CCDC91: variants seen among roughly 807,000 people sequenced by gnomAD.
The protein encoded by CCDC91 is coiled-coil domain-containing protein 91.
Under a neutral mutation model 63.2 loss-of-function variants are expected in CCDC91, and 48 were observed. That is an observed-to-expected ratio of 0.76 (90% CI 0.60 to 0.97). The LOEUF is 0.97. Ranked by LOEUF, CCDC91 falls within the 50% of genes least tolerant of loss-of-function variation. The pLI, the probability that CCDC91 is intolerant of heterozygous loss-of-function variation, is 0.00. For missense variants in CCDC91, 500 were observed against 494.6 expected (o/e 1.01, Z -0.10); for synonymous variants, 167 against 165.8 (o/e 1.01, Z -0.06).
chr12:28,373,115 A>G (rs1944724650), intron 7 of CCDC91, among the ~76,000 whole-genome samples: 2 of 152,218 alleles, frequency 1.3e-5, no homozygotes, highest in South Asian at 4.1e-4. Flanking sequence ...TTTAAAAAAT[A>G]AGATTGTAGG....
chr12:28,281,871 C>G (rs1346754026), intron 3 of CCDC91, among the ~76,000 whole-genome samples: 1 of 152,068 alleles, frequency 6.6e-6, no homozygotes, highest in African/African-American at 2.4e-5. Flanking sequence ...TGACTTATCC[C>G]ATAGTACCTT....
chr12:28,513,843 T>G (rs530487786), intron 12 of CCDC91, among the ~76,000 whole-genome samples: 1 of 152,066 alleles, frequency 6.6e-6, no homozygotes, highest in East Asian at 1.9e-4. Flanking sequence ...GTACCACATT[T>G]TCTTTATCCA....
chr12:28,396,632 A>G (rs1276711308), intron 8 of CCDC91, among the ~76,000 whole-genome samples: 1 of 125,750 alleles, frequency 8.0e-6, no homozygotes, highest in African/African-American at 2.9e-5. Context: ...ATGCTCATTG[A>G]TAAAGGAGAT....
At chr12:28,306,349 C>T (rs532733600) in intron 4 of CCDC91, among the ~76,000 whole-genome samples, 82 of 152,110 alleles carry the variant, frequency 5.4e-4, no homozygotes, top group Admixed American at 2.7e-3. Context: ...CAATAGAGGT[C>T]ATTGATAAAT....
intron 1 of CCDC91, among the ~76,000 whole-genome samples, chr12:28,238,597 C>T: frequency 6.6e-6 from 1 of 152,078 alleles, no homozygotes; most frequent in East Asian, 1.9e-4. Context: ...AAACACACTT[C>T]CATATATAAG....
At chr12:28,275,129 T>C (rs532106862) in intron 3 of CCDC91, among the ~76,000 whole-genome samples, 29 of 152,030 alleles carry the variant, frequency 1.9e-4, no homozygotes, top group Admixed American at 4.6e-4. Context: ...CAGAGCAGAA[T>C]TGAAGGCGAT....
At chr12:28,259,736 A>G (rs1303961702) in intron 3 of CCDC91, among the ~76,000 whole-genome samples, 4 of 151,956 alleles carry the variant, frequency 2.6e-5, no homozygotes, top group Admixed American at 6.6e-5. Context: ...GAGGTGCCCA[A>G]TAACTTTTTT....
At chr12:28,538,084 GT>G (rs1013791768) in intron 12 of CCDC91, among the ~76,000 whole-genome samples, 4 of 149,038 alleles carry the variant, frequency 2.7e-5, no homozygotes, top group East Asian at 2.0e-4. Context: ...CTTTTTAGGG[GT>G]TTTTTTTAAT....
intron 8 of CCDC91, among the ~76,000 whole-genome samples, chr12:28,427,153 C>A (rs1458516224): frequency 1.3e-5 from 2 of 152,120 alleles, no homozygotes; most frequent in Non-Finnish European, 2.9e-5. Flanking sequence ...CATTCCATAA[C>A]ATTATGATTA....
intron 6 of CCDC91, among the ~76,000 whole-genome samples, chr12:28,345,646 C>G (rs1006570152): frequency 4.7e-4 from 71 of 152,016 alleles, no homozygotes; most frequent in African/African-American, 1.7e-3. Context: ...ATGAAAAACA[C>G]TATTCACAGG....
chr12:28,501,045 A>G (rs1937771415), intron 12 of CCDC91, among the ~76,000 whole-genome samples: 1 of 151,800 alleles, frequency 6.6e-6, no homozygotes, highest in African/African-American at 2.4e-5. Flanking sequence ...AGAATACACT[A>G]TTATTTAACT....
intron 12 of CCDC91, among the ~76,000 whole-genome samples, chr12:28,536,605 A>G (rs1942196958): frequency 6.6e-6 from 1 of 152,180 alleles, no homozygotes. Flanking sequence ...CTTCTGTACA[A>G]TGGAGATAAA....
Position 28,450,396 on chromosome 12 carries a change from A to G in CCDC91, c.902A>G (p.Glu301Gly), listed in dbSNP as rs1207770155. The G allele has an allele frequency of 6.2e-7, 1 of 1,611,908 alleles. No homozygotes were observed. Among genetic ancestry groups the G allele is most frequent in the Non-Finnish European group, 8.5e-7 (1 of 1,178,414 alleles). ...GAGGAAGAAAGGCAAAGAAATAAAG[A>G]GGCATTAGTATCCGCTGCAAAGGTA... ...CLEEERQRNK[E>G]ALVSAAKLEK... Residue 301 changes from glutamate (E) to glycine (G), a missense_variant, in exon 10 of 13, where the codon GAG becomes GGG. Glu to Gly is a moderately conservative substitution (Grantham distance 98, BLOSUM62 -2). Coordinates refer to ENST00000536442, the MANE Select transcript of CCDC91 (RefSeq NM_018318.5).
intron 3 of CCDC91, among the ~76,000 whole-genome samples, chr12:28,289,711 C>T (rs1479400266): frequency 1.7e-3 from 128 of 74,902 alleles, no homozygotes; most frequent in African/African-American, 7.1e-3. Context: ...TTTTTTTTGA[C>T]GACGGAGTCT....
At chr12:28,241,144 G>A (rs1208167165) in intron 1 of CCDC91, among the ~76,000 whole-genome samples, 1 of 152,138 alleles carries the variant, frequency 6.6e-6, no homozygotes, top group Non-Finnish European at 1.5e-5. Flanking sequence ...AAAGATTGGT[G>A]ATGTTTAACA....
rs558901781 is a variant in CCDC91 at position 28,337,880 on chromosome 12, T to A, written c.577-24558T>A. On this transcript the variant is annotated intron_variant, in intron 6 of 12. Coordinates refer to ENST00000536442, the MANE Select transcript of CCDC91 (RefSeq NM_018318.5). Reference sequence around the variant, plus strand: ...TCTTATAAATTTCTATAGTTTTTTTTATGCTATGAGTATTGATTTAAACTC... The same window carrying A: ...TCTTATAAATTTCTATAGTTTTTTTAATGCTATGAGTATTGATTTAAACTC... Among the ~76,000 whole-genome samples the A allele has an allele frequency of 4.6e-5, 7 of 152,286 alleles. No individual in the cohort carries two copies. In the East Asian group the frequency reaches 1.2e-3, roughly 25 times the overall value.
chr12:28,527,886 C>T (rs1941406379), intron 12 of CCDC91, among the ~76,000 whole-genome samples: 1 of 152,116 alleles, frequency 6.6e-6, no homozygotes, highest in African/African-American at 2.4e-5. Context: ...GGGGGAAAGA[C>T]AGGAGTCACA....
intron 8 of CCDC91, among the ~76,000 whole-genome samples, chr12:28,407,863 T>A (rs1016681090): frequency 6.6e-6 from 1 of 151,872 alleles, no homozygotes; most frequent in South Asian, 2.1e-4. Context: ...TTAACTTTTA[T>A]AGTTTTTAGT....
intron 12 of CCDC91, among the ~76,000 whole-genome samples, chr12:28,529,154 A>G (rs1275627840): frequency 6.6e-6 from 1 of 152,166 alleles, no homozygotes; most frequent in Non-Finnish European, 1.5e-5. Flanking sequence ...CATACTGATT[A>G]TGTCTTACCT....
Sources: gnomAD v4.1 joint callset for allele counts (sites outside exome capture counted in the v4.1 genomes callset) on GRCh38, gnomAD v4.1.1 for gene constraint, MANE v1.5 for transcripts, NCBI Gene and HGNC (gene_info 2026-07-23, HGNC 2026-07-21) for gene names.